The following DLGAP2 variants were observed in gnomAD, a reference collection of about 807,000 sequenced individuals.
DLGAP2 encodes disks large-associated protein 2.
DLGAP2 carries 26 observed loss-of-function variants against 100.3 expected under a neutral mutation model. That is an observed-to-expected ratio of 0.26 (90% CI 0.19 to 0.36). The LOEUF (loss-of-function observed/expected upper bound fraction) is 0.36, where lower values mean the gene tolerates loss of function less well. Among genes scored for constraint, DLGAP2 ranks in the 10% least tolerant of loss-of-function variants. The probability of loss-of-function intolerance (pLI) is 1.00; values close to 1 mark genes in which losing one functional copy is unlikely to be tolerated. For synonymous variants in DLGAP2, 886 were observed against 630.1 expected, an observed-to-expected ratio of 1.41 and a Z score of -6.08; for missense variants, 1,858 against 1,453.2, an observed-to-expected ratio of 1.28 and a Z score of -4.53.
intron 2 of DLGAP2, among the ~76,000 whole-genome samples, chr8:1,053,969 T>A (rs954145981): frequency 6.6e-6 from 1 of 152,300 alleles, no homozygotes; most frequent in East Asian, 1.9e-4. Context: ...TTGGGTCTTT[T>A]TGTGTAAAGA....
At chr8:1,079,915 G>A (rs755163929) in intron 2 of DLGAP2, among the ~76,000 whole-genome samples, 1 of 152,258 alleles carries the variant, frequency 6.6e-6, no homozygotes, top group Non-Finnish European at 1.5e-5. Flanking sequence ...GAGGGCACAG[G>A]CTGGTTAAGT....
chr8:1,410,163 T>A (rs1796687272), intron 3 of DLGAP2, among the ~76,000 whole-genome samples: 1 of 152,140 alleles, frequency 6.6e-6, no homozygotes, highest in Non-Finnish European at 1.5e-5. Context: ...ATGCCCTCGA[T>A]CTGCTGAGGA....
chr8:1,207,307 C>T (rs537606022), intron 2 of DLGAP2, among the ~76,000 whole-genome samples: 3 of 152,322 alleles, frequency 2.0e-5, no homozygotes, highest in East Asian at 1.9e-4. Context: ...TTAGCTCCCA[C>T]TTGTAAGTGA....
At chr8:1,172,926 A>G (rs956024498) in intron 2 of DLGAP2, among the ~76,000 whole-genome samples, 3 of 152,086 alleles carry the variant, frequency 2.0e-5, no homozygotes, top group African/African-American at 7.2e-5. Flanking sequence ...GCTGGTGAGG[A>G]ACTGTGATGC....
chr8:1,443,680 T>G (rs1031768943), intron 3 of DLGAP2, among the ~76,000 whole-genome samples: 3 of 152,180 alleles, frequency 2.0e-5, no homozygotes, highest in Non-Finnish European at 2.9e-5. Context: ...AGACGGCTTG[T>G]GCAGGGGAAC....
At chr8:1,548,291 C>A in intron 4 of DLGAP2, among the ~76,000 whole-genome samples, 1 of 151,688 alleles carries the variant, frequency 6.6e-6, no homozygotes. Context: ...GAAACCTCGT[C>A]TCTACTAAAA....
chr8:875,667 G>T (rs1393738611), intron 1 of DLGAP2, among the ~76,000 whole-genome samples: 5 of 152,150 alleles, frequency 3.3e-5, no homozygotes, highest in African/African-American at 1.2e-4. Flanking sequence ...AGCAGTGTGA[G>T]AATGAACTAA....
intron 2 of DLGAP2, among the ~76,000 whole-genome samples, chr8:1,007,966 A>G (rs751720645): frequency 1.5e-4 from 23 of 152,222 alleles, no homozygotes; most frequent in Non-Finnish European, 2.8e-4. Flanking sequence ...GACGCCCTCC[A>G]TAAAGAAGGG....
chr8:1,186,215 A>C (rs551603843), intron 2 of DLGAP2, among the ~76,000 whole-genome samples: 1 of 152,244 alleles, frequency 6.6e-6, no homozygotes, highest in Non-Finnish European at 1.5e-5. Flanking sequence ...GCAGCGCTGC[A>C]GTCTGTGGTA....
At chr8:975,657 A>G (rs1422670591) in intron 2 of DLGAP2, among the ~76,000 whole-genome samples, 1 of 152,240 alleles carries the variant, frequency 6.6e-6, no homozygotes, top group Middle Eastern at 3.2e-3. Flanking sequence ...TAGTACAGCA[A>G]AAGCATTTGC....
chr8:855,099 C>A (rs1198517025), intron 1 of DLGAP2, among the ~76,000 whole-genome samples: 1 of 152,104 alleles, frequency 6.6e-6, no homozygotes, highest in Non-Finnish European at 1.5e-5. Context: ...GTCCTTGAGT[C>A]TGGGATGTGC....
chr8:1,370,545 TTAAAA>T (rs1174346997), intron 3 of DLGAP2, among the ~76,000 whole-genome samples: 2 of 152,234 alleles, frequency 1.3e-5, no homozygotes, highest in African/African-American at 4.8e-5. Flanking sequence ...TTTCATTTGC[TTAAAA>T]TAAAATGCTG....
At chr8:1,305,424 A>G (rs1800467350) in intron 3 of DLGAP2, among the ~76,000 whole-genome samples, 1 of 152,170 alleles carries the variant, frequency 6.6e-6, no homozygotes, top group Non-Finnish European at 1.5e-5. Flanking sequence ...TAGTCCTTAC[A>G]GTTTTCATGA....
intron 2 of DLGAP2, among the ~76,000 whole-genome samples, chr8:981,532 C>T (rs947606904): frequency 2.0e-5 from 3 of 152,138 alleles, no homozygotes; most frequent in Non-Finnish European, 1.5e-5. Flanking sequence ...CGCCGTTTTA[C>T]ATTTTACCAG....
At chr8:1,264,815 C>T (rs899439753) in intron 3 of DLGAP2, among the ~76,000 whole-genome samples, 2 of 152,170 alleles carry the variant, frequency 1.3e-5, no homozygotes, top group Non-Finnish European at 2.9e-5. Flanking sequence ...ATAATCACCA[C>T]GTGCCATGGG....
intron 1 of DLGAP2, among the ~76,000 whole-genome samples, chr8:824,934 G>A (rs1241512879): frequency 6.6e-6 from 1 of 152,206 alleles, no homozygotes; most frequent in Admixed American, 6.5e-5. Context: ...GGCATCAGGG[G>A]ATAGGAGACA....
chr8:1,475,017 T>C (rs1041243684), intron 3 of DLGAP2, among the ~76,000 whole-genome samples: 9 of 152,174 alleles, frequency 5.9e-5, no homozygotes, highest in Non-Finnish European at 1.5e-5. Context: ...AAAGAAAATA[T>C]AGTGCATACA....
chr8:1,363,493 C>G (rs917977409), intron 3 of DLGAP2, among the ~76,000 whole-genome samples: 1 of 152,218 alleles, frequency 6.6e-6, no homozygotes, highest in Non-Finnish European at 1.5e-5. Context: ...GCCTTGTCCA[C>G]AAAAAGCCAT....
intron 3 of DLGAP2, among the ~76,000 whole-genome samples, chr8:1,466,636 T>C (rs1290200423): frequency 6.6e-6 from 1 of 152,102 alleles, no homozygotes; most frequent in Non-Finnish European, 1.5e-5. Flanking sequence ...AAATTCATAG[T>C]AGTAACATTT....
Sources: gnomAD v4.1 joint callset for allele counts (sites outside exome capture counted in the v4.1 genomes callset) on GRCh38, gnomAD v4.1.1 for gene constraint, MANE v1.5 for transcripts, NCBI Gene and HGNC (gene_info 2026-07-23, HGNC 2026-07-21) for gene names.